GPATCH2L: variants seen among roughly 807,000 people sequenced by gnomAD.
GPATCH2L encodes the protein G-patch domain containing 2 like.
GPATCH2L carries 31 observed loss-of-function variants against 57.4 expected under a neutral mutation model. That is an observed-to-expected ratio of 0.54 (90% CI 0.41 to 0.73). The LOEUF is 0.73. Among genes scored for constraint, GPATCH2L ranks in the 30% least tolerant of loss-of-function variants. GPATCH2L has a pLI of 0.00. For missense variants in GPATCH2L, 481 were observed against 599.9 expected, an observed-to-expected ratio of 0.80 and a Z score of 2.07; for synonymous variants, 199 against 210.7, an observed-to-expected ratio of 0.94 and a Z score of 0.48.
intron 8 of GPATCH2L, among the ~76,000 whole-genome samples, chr14:76,194,019 A>C (rs1426871692): frequency 6.6e-6 from 1 of 152,056 alleles, no homozygotes; most frequent in Non-Finnish European, 1.5e-5. Flanking sequence ...GAGAAACACA[A>C]TTTTGTAGTG....
chr14:76,231,975 C>A (rs2040567321), intron 2 of GPATCH2L, among the ~76,000 whole-genome samples: 1 of 151,366 alleles, frequency 6.6e-6, no homozygotes, highest in African/African-American at 2.4e-5. Flanking sequence ...TCACTGCAGC[C>A]TCACTGCAGC....
At chr14:76,198,217 C>T (rs746751273) in intron 9 of GPATCH2L, among the ~76,000 whole-genome samples, 15 of 152,182 alleles carry the variant, frequency 9.9e-5, no homozygotes, top group Non-Finnish European at 1.6e-4. Context: ...CAGAACCACA[C>T]CCTGGATCTT....
At chr14:76,188,709 A>G (rs1045262145) in intron 8 of GPATCH2L, among the ~76,000 whole-genome samples, 9 of 152,076 alleles carry the variant, frequency 5.9e-5, no homozygotes, top group African/African-American at 9.7e-5. Flanking sequence ...TTTTAACTCA[A>G]TGTGATCCCA....
In GPATCH2L at chr14:76,201,363, C is replaced by T. The variant is rs531187810; in HGVS notation, c.1289-328C>T. Among the ~76,000 whole-genome samples, 47 of 152,238 alleles carry T rather than the reference C, an allele frequency of 3.1e-4. 1 individual carries two copies. The highest frequency in any genetic ancestry group is 2.9e-3 in the Admixed American group (44 of 15,296). On this transcript the variant is annotated intron_variant, in intron 9 of 9. Coordinates refer to ENST00000261530, the MANE Select transcript of GPATCH2L (RefSeq NM_017926.4). ...ATGAGCATCTATGAGTAAGGGTTTG[C>T]ATTAACAAGATCATGAGTATTCATT...
chr14:76,193,995 T>G (rs140328021), intron 8 of GPATCH2L, among the ~76,000 whole-genome samples: 1 of 152,262 alleles, frequency 6.6e-6, no homozygotes, highest in African/African-American at 2.4e-5. Context: ...TGTTCTACAT[T>G]TCTCTGTTTT....
chr14:76,196,019 G>A, intron 9 of GPATCH2L, 47 bp downstream of exon 9: 1 of 1,347,654 alleles, frequency 7.4e-7, no homozygotes, highest in Non-Finnish European at 1.1e-6. Flanking sequence ...CGTGTGCCAG[G>A]CACTAAATTA....
chr14:76,196,521 CA>C (rs2040159806), intron 9 of GPATCH2L: 1 of 170,562 alleles, frequency 5.9e-6, no homozygotes, highest in Admixed American at 5.9e-5. Context: ...GGGCAGTGAC[CA>C]AGAGAGGGCA....
At chr14:76,198,740 A>G (rs1467070674) in intron 9 of GPATCH2L, among the ~76,000 whole-genome samples, 1 of 152,206 alleles carries the variant, frequency 6.6e-6, no homozygotes, top group East Asian at 1.9e-4. Context: ...AGCGAGAGAG[A>G]GAGATTTGAA....
chr14:76,222,968 A>G (rs12894346), intron 1 of GPATCH2L, among the ~76,000 whole-genome samples: 60,638 of 150,382 alleles, frequency 0.4, 15,030 homozygotes, highest in East Asian at 0.61. Flanking sequence ...AAAAAAAAAA[A>G]AAAGAAAGAA....
Position 76,208,415 on chromosome 14 carries a change from G to A in GPATCH2L, c.*6564G>A, listed in dbSNP as rs2040403099. The A allele has an allele frequency of 6.6e-6, 1 of 152,126 alleles. No individual in the cohort carries two copies. Among genetic ancestry groups the A allele is most frequent in the Non-Finnish European group, 1.5e-5 (1 of 68,042 alleles). 9.4% of individuals were successfully genotyped at this position (152,126 alleles called of 1,614,324 possible). On this transcript the variant is annotated 3_prime_UTR_variant, in exon 10 of 10. Coordinates refer to ENST00000261530, the MANE Select transcript of GPATCH2L (RefSeq NM_017926.4). ...ATGGTAACGATTTGAATTGCTCTCA[G>A]TATTGATGTCAAACTCCCTCCTGTT... is the stretch of plus-strand genomic sequence containing the variant.
In GPATCH2L at chr14:76,204,794, C is replaced by T. The variant is rs911509833; in HGVS notation, c.*2943C>T. 3.9e-5 allele frequency: 6 copies of T among 152,176 alleles called. No individual in the cohort carries two copies. 9.4% of individuals were successfully genotyped at this position (152,176 alleles called of 1,614,324 possible). ...CCAGCTGGCTACACAAATGGCCTGT[C>T]TGAATCCTAGTTTAGTGTGTTTTCC... On this transcript the variant is annotated 3_prime_UTR_variant, in exon 10 of 10. Coordinates refer to ENST00000261530, the MANE Select transcript of GPATCH2L (RefSeq NM_017926.4).
intron 8 of GPATCH2L, among the ~76,000 whole-genome samples, chr14:76,188,639 C>T (rs2039858393): frequency 6.6e-6 from 1 of 151,674 alleles, no homozygotes; most frequent in Non-Finnish European, 1.5e-5. Context: ...CAGATATTTT[C>T]TCCCATTCTG....
chr14:76,233,956 G>GA (rs1323500895), intron 2 of GPATCH2L, among the ~76,000 whole-genome samples: 2 of 151,946 alleles, frequency 1.3e-5, no homozygotes, highest in African/African-American at 2.4e-5. Context: ...TAAGAAAAAG[G>GA]AAAAATTAGC....
intron 5 of GPATCH2L, chr14:76,173,990 C>A: frequency 7.0e-6 from 2 of 285,822 alleles, no homozygotes; most frequent in Non-Finnish European, 1.3e-5. Context: ...TTCATGAATG[C>A]ATCTTTGTTC....
intron 9 of GPATCH2L, among the ~76,000 whole-genome samples, chr14:76,199,357 C>A (rs1212297485): frequency 3.3e-5 from 5 of 151,708 alleles, no homozygotes; most frequent in Non-Finnish European, 7.4e-5. Context: ...GTTTTTGAAC[C>A]TTGTGTATAT....
chr14:76,163,292 T>C (rs1037282487), intron 2 of GPATCH2L, among the ~76,000 whole-genome samples: 1 of 152,220 alleles, frequency 6.6e-6, no homozygotes, highest in Non-Finnish European at 1.5e-5. Context: ...ATAAAGTGCT[T>C]AGTATATTAC....
Position 76,173,626 on chromosome 14 carries a change from G to A in GPATCH2L, c.984+1G>A, listed in dbSNP as rs776448859. The A allele has an allele frequency of 2.5e-6, 4 of 1,578,796 alleles. No individual in the cohort carries two copies. In the South Asian group the frequency reaches 3.3e-5, roughly 13 times the overall value. ...GGGGCGAAGAAGGCTGGTTGGGAAG[G>A]TGATACCTCTCACAGTTAGCTTGGC... On this transcript the variant is annotated splice_donor_variant, in intron 5 of 9. Transcript: ENST00000261530. LOFTEE classifies it high-confidence loss of function.
chr14:76,160,334 G>A (rs907035701), intron 2 of GPATCH2L, among the ~76,000 whole-genome samples: 1 of 152,146 alleles, frequency 6.6e-6, no homozygotes, highest in Admixed American at 6.6e-5. Flanking sequence ...CACTTCTAAC[G>A]TGGGCCTCCA....
At chr14:76,220,550 A>G (rs1172058473) in intron 1 of GPATCH2L, among the ~76,000 whole-genome samples, 1 of 152,224 alleles carries the variant, frequency 6.6e-6, no homozygotes. Context: ...GTAGTGATTA[A>G]TAATATGGAT....
Sources: gnomAD v4.1 joint callset for allele counts (sites outside exome capture counted in the v4.1 genomes callset) on GRCh38, gnomAD v4.1.1 for gene constraint, MANE v1.5 for transcripts, NCBI Gene and HGNC (gene_info 2026-07-23, HGNC 2026-07-21) for gene names.